Variants in PRUNE2 observed in about 807,000 individuals in gnomAD.
The protein encoded by PRUNE2 is protein prune homolog 2.
A neutral mutation model predicts 252.0 loss-of-function variants in PRUNE2; 164 were observed. That is an observed-to-expected ratio of 0.65 (90% CI 0.57 to 0.74). The LOEUF is 0.74. PRUNE2 is among the 30% of genes least tolerant of loss of function. The pLI, the probability that PRUNE2 is intolerant of heterozygous loss-of-function variation, is 0.00. For missense variants in PRUNE2, 3,495 were observed against 3,711.0 expected (o/e 0.94, Z 1.51); for synonymous variants, 1,292 against 1,350.2 (o/e 0.96, Z 0.94).
At chr9:76,796,893 A>G (rs926879734) in intron 6 of PRUNE2, among the ~76,000 whole-genome samples, 2 of 152,146 alleles carry the variant, frequency 1.3e-5, no homozygotes, top group Admixed American at 1.3e-4. Flanking sequence ...TGCAAACTGA[A>G]ACATTCATTC....
At chr9:76,786,233 T>TG (rs2054963403) in intron 6 of PRUNE2, 1 of 152,164 alleles carries the variant, frequency 6.6e-6, no homozygotes, top group Admixed American at 6.5e-5. Flanking sequence ...TTTGTGTTCA[T>TG]GGATAGTCCA....
rs1827751786 is a variant in PRUNE2 at position 76,612,515 on chromosome 9, T to C, written c.*2055A>G. On this transcript the variant is annotated 3_prime_UTR_variant, in exon 19 of 19. Coordinates refer to ENST00000376718, the MANE Select transcript of PRUNE2 (RefSeq NM_015225.3). ...TGAACAAACAGGAATATTGGGTAACTGTATTTACGTCAACACTGTGTTCTG... is the reference window on the plus strand; with the variant it reads ...TGAACAAACAGGAATATTGGGTAACCGTATTTACGTCAACACTGTGTTCTG... 6.6e-6 allele frequency: 1 copy of C among 152,144 alleles called. No homozygotes were observed. The highest frequency in any genetic ancestry group is 2.4e-5 in the African/African-American group (1 of 41,416). 9.4% of individuals were successfully genotyped at this position (152,144 alleles called of 1,614,324 possible). A position where few individuals can be genotyped will look rare whatever the true frequency, so the allele number is the denominator to read the frequency against.
chr9:76,821,714 CTGAT>C (rs1427987773), intron 6 of PRUNE2, among the ~76,000 whole-genome samples: 3 of 152,248 alleles, frequency 2.0e-5, no homozygotes, highest in African/African-American at 7.2e-5. Context: ...GCTTAACCAC[CTGAT>C]TAATTACTGG....
chr9:76,837,480 T>C (rs2059090531), intron 4 of PRUNE2, among the ~76,000 whole-genome samples: 1 of 32,014 alleles, frequency 3.1e-5, no homozygotes, highest in Admixed American at 2.3e-4. Flanking sequence ...ATAATAATGC[T>C]ATTAAAGCAA....
At chr9:76,842,865 T>C (rs971084833) in intron 4 of PRUNE2, among the ~76,000 whole-genome samples, 1 of 152,214 alleles carries the variant, frequency 6.6e-6, no homozygotes, top group Non-Finnish European at 1.5e-5. Flanking sequence ...GGAACACTTT[T>C]ACACTGTTGG....
chr9:76,903,375 GA>G (rs966349502), intron 1 of PRUNE2, among the ~76,000 whole-genome samples: 73 of 142,150 alleles, frequency 5.1e-4, no homozygotes, highest in Admixed American at 1.6e-3. Flanking sequence ...AGCCAAATAG[GA>G]AAAAAAAAAA....
rs1304607368 is a variant in PRUNE2 at position 76,671,274 on chromosome 9, G to A, written c.8277-15772C>T. 8.8e-5 allele frequency among the ~76,000 whole-genome samples: 13 copies of A among 147,508 alleles called. No individual in the cohort carries two copies. In the South Asian group the frequency reaches 9.0e-4, roughly 10 times the overall value. On this transcript the variant is annotated intron_variant, in intron 9 of 18. Coordinates refer to ENST00000376718, the MANE Select transcript of PRUNE2 (RefSeq NM_015225.3). ...GAAGAATGCAGAAGCCTCAGGAGCC[G>A]ATGCGATCAACTGGAAGAAAGGGTA... is the stretch of plus-strand genomic sequence containing the variant.
chr9:76,696,772 G>A (rs2045428059), intron 9 of PRUNE2, among the ~76,000 whole-genome samples: 1 of 152,218 alleles, frequency 6.6e-6, no homozygotes, highest in South Asian at 2.1e-4. Flanking sequence ...AGATGCGGGG[G>A]AAGAGGCGGG....
intron 6 of PRUNE2, chr9:76,758,432 T>C (rs1380001939): frequency 6.6e-6 from 1 of 152,042 alleles, no homozygotes; most frequent in African/African-American, 2.4e-5. Context: ...AAGAATCAAG[T>C]GGGAATAACA....
intron 4 of PRUNE2, among the ~76,000 whole-genome samples, chr9:76,835,418 G>A (rs886735445): frequency 6.6e-6 from 1 of 151,932 alleles, no homozygotes; most frequent in Non-Finnish European, 1.5e-5. Flanking sequence ...CTTAGTTTAC[G>A]TTTTTGTCTG....
At chr9:76,628,489 T>G (rs1835947469) in intron 16 of PRUNE2, among the ~76,000 whole-genome samples, 1 of 152,224 alleles carries the variant, frequency 6.6e-6, no homozygotes, top group African/African-American at 2.4e-5. Context: ...GCAGATAAAT[T>G]ACTTTGTATA....
At chr9:76,787,389 G>T (rs887082119) in intron 6 of PRUNE2, 2 of 151,772 alleles carry the variant, frequency 1.3e-5, no homozygotes, top group Non-Finnish European at 2.9e-5. Context: ...AGTGATTCGG[G>T]GGGTGGGAGA....
intron 1 of PRUNE2, among the ~76,000 whole-genome samples, chr9:76,857,403 G>GA (rs1189220213): frequency 6.1e-5 from 9 of 147,936 alleles, no homozygotes; most frequent in Non-Finnish European, 9.0e-5. Context: ...AAGATGACTG[G>GA]AAAAAAAAAA....
chr9:76,788,336 A>G, intron 6 of PRUNE2: 1 of 683,168 alleles, frequency 1.5e-6, no homozygotes, highest in Non-Finnish European at 2.7e-6. Flanking sequence ...CCACAAGTAA[A>G]TGATTGTGAA....
At chr9:76,877,088 A>T (rs2061516027) in intron 1 of PRUNE2, among the ~76,000 whole-genome samples, 1 of 152,104 alleles carries the variant, frequency 6.6e-6, no homozygotes, top group Non-Finnish European at 1.5e-5. Context: ...GGACCAAATG[A>T]TCATTAAGAT....
chr9:76,690,907 T>C (rs1326624829), intron 9 of PRUNE2, among the ~76,000 whole-genome samples: 5 of 152,204 alleles, frequency 3.3e-5, no homozygotes, highest in African/African-American at 1.2e-4. Flanking sequence ...CATAGAGACA[T>C]TTCCATAAAA....
intron 6 of PRUNE2, among the ~76,000 whole-genome samples, chr9:76,822,431 T>C (rs2058085937): frequency 1.3e-5 from 2 of 152,028 alleles, no homozygotes. Flanking sequence ...TGCTCTTGGG[T>C]TTTCTGAGGA....
intron 6 of PRUNE2, among the ~76,000 whole-genome samples, chr9:76,774,455 T>TTTATTTATTTATTTATTTTTA (rs1564272539): frequency 7.5e-6 from 1 of 133,314 alleles, no homozygotes; most frequent in African/African-American, 2.8e-5. Flanking sequence ...CAACCCTTTT[T>TTTATTTATTTATTTATTTTTA]TTTTTTTTTT....
At chr9:76,798,683 C>A (rs1046805313) in intron 6 of PRUNE2, among the ~76,000 whole-genome samples, 1 of 152,062 alleles carries the variant, frequency 6.6e-6, no homozygotes, top group African/African-American at 2.4e-5. Context: ...TTCTCAGAGG[C>A]CTACACCAGA....
Sources: allele counts gnomAD v4.1 joint callset (sites outside exome capture counted in the v4.1 genomes callset), GRCh38; gene constraint gnomAD v4.1.1; transcripts MANE v1.5; gene names NCBI Gene and HGNC (gene_info 2026-07-23, HGNC 2026-07-21).